ROBO2: variants seen among roughly 807,000 people sequenced by gnomAD.
The protein encoded by ROBO2 is roundabout homolog 2.
Under a neutral mutation model 160.8 loss-of-function variants are expected in ROBO2, and 53 were observed. The observed-to-expected ratio is 0.33, with a 90% CI of 0.26 to 0.41. The LOEUF (loss-of-function observed/expected upper bound fraction) is 0.41, where lower values mean the gene tolerates loss of function less well. Among genes scored for constraint, ROBO2 ranks in the 10% least tolerant of loss-of-function variants. ROBO2 has a pLI of 1.00. For missense variants in ROBO2, 1,577 were observed against 1,722.4 expected, an observed-to-expected ratio of 0.92 and a Z score of 1.49; for synonymous variants, 664 against 611.7, an observed-to-expected ratio of 1.09 and a Z score of -1.26.
chr3:77,410,777 TTCC>T (rs1273351238), intron 2 of ROBO2, among the ~76,000 whole-genome samples: 2 of 106,546 alleles, frequency 1.9e-5, no homozygotes, highest in East Asian at 3.6e-4. Context: ...CCTCTTCCTC[TTCC>T]TCCTCCTCCT....
intron 16 of ROBO2, among the ~76,000 whole-genome samples, chr3:77,583,644 G>T (rs1288031580): frequency 1.3e-5 from 2 of 151,774 alleles, no homozygotes; most frequent in Admixed American, 1.3e-4. Context: ...CATCCATCTT[G>T]TCTCATAGTC....
At chr3:76,021,741 C>G (rs2066580874) in intron 2 of ROBO2, among the ~76,000 whole-genome samples, 1 of 151,768 alleles carries the variant, frequency 6.6e-6, no homozygotes, top group Non-Finnish European at 1.5e-5. Flanking sequence ...TAACGATTAT[C>G]TATTCCTTCA....
chr3:76,229,743 G>A (rs1704506643), intron 2 of ROBO2, among the ~76,000 whole-genome samples: 1 of 151,988 alleles, frequency 6.6e-6, no homozygotes, highest in African/African-American at 2.4e-5. Context: ...ATTTAATAAA[G>A]CAGTAGAATA....
chr3:77,121,854 A>G (rs902412458), intron 2 of ROBO2, among the ~76,000 whole-genome samples: 1 of 152,132 alleles, frequency 6.6e-6, no homozygotes, highest in African/African-American at 2.4e-5. Flanking sequence ...AGCTTTAATT[A>G]TGTTCTGGAA....
chr3:76,912,176 T>C (rs780687463), intron 2 of ROBO2, among the ~76,000 whole-genome samples: 14 of 152,176 alleles, frequency 9.2e-5, no homozygotes, highest in Non-Finnish European at 1.9e-4. Context: ...ATTTGCTTTC[T>C]TCTCTGTAAC....
chr3:76,360,195 A>G (rs1384255897), intron 2 of ROBO2, among the ~76,000 whole-genome samples: 1 of 152,054 alleles, frequency 6.6e-6, no homozygotes, highest in African/African-American at 2.4e-5. Flanking sequence ...GTGACTATCT[A>G]AATCCATGTC....
At chr3:76,388,388 C>T (rs963871334) in intron 2 of ROBO2, among the ~76,000 whole-genome samples, 22 of 152,094 alleles carry the variant, frequency 1.4e-4, no homozygotes, top group African/African-American at 5.3e-4. Flanking sequence ...TCTCCTGCCT[C>T]AGCCTCCCGA....
intron 14 of ROBO2, among the ~76,000 whole-genome samples, chr3:77,576,878 A>G (rs1031389843): frequency 1.3e-5 from 2 of 152,194 alleles, no homozygotes; most frequent in African/African-American, 2.4e-5. Context: ...TGTGTTGATG[A>G]CATTTATAGT....
chr3:77,473,060 G>C (rs572293779), intron 2 of ROBO2, among the ~76,000 whole-genome samples: 1 of 151,958 alleles, frequency 6.6e-6, no homozygotes, highest in East Asian at 1.9e-4. Context: ...GAGGGGTTCC[G>C]AGCGTATCTC....
chr3:76,777,244 G>A (rs1452739444), intron 2 of ROBO2, among the ~76,000 whole-genome samples: 2 of 151,052 alleles, frequency 1.3e-5, no homozygotes, highest in Non-Finnish European at 3.0e-5. Context: ...CAAAAGACAT[G>A]GGTTGATTGC....
chr3:77,481,089 A>AT lies in ROBO2; in HGVS notation c.547-6dup, dbSNP rs1477562321. 6.2e-7 allele frequency: 1 copy of AT among 1,609,120 alleles called. No homozygotes were observed. Among genetic ancestry groups the AT allele is most frequent in the Non-Finnish European group, 8.5e-7 (1 of 1,176,796 alleles). On this transcript the variant is annotated splice_polypyrimidine_tract_variant and intron_variant, in intron 3 of 25. Coordinates refer to ENST00000461745, the Ensembl canonical transcript of ROBO2. ...TTCCCTTCTCTTTTCTTTTTGTTTG[A>AT]TTTTAACAGATCCGTGGTGGAAAAC...
At position 76,799,154 on chromosome 3, in the gene ROBO2, C is replaced by T. The variant is rs529295854; in HGVS notation, c.110-298860C>T. On this transcript the variant is annotated intron_variant, in intron 2 of 26. Transcript: ENST00000487694. The stretch of plus-strand genomic sequence containing the variant: ...ACTTGAACCCAGGAGACGGAGGCTG[C>T]GGTGAGCCGAGATGGCGCCACTGCA... 4.6e-5 allele frequency among the ~76,000 whole-genome samples: 7 copies of T among 151,662 alleles called. No homozygotes were observed. The East Asian group carries it at 9.8e-4, about 21-fold the overall frequency.
intron 2 of ROBO2, among the ~76,000 whole-genome samples, chr3:76,715,702 C>T (rs1422205303): frequency 1.3e-5 from 2 of 152,168 alleles, no homozygotes; most frequent in Non-Finnish European, 2.9e-5. Flanking sequence ...TAATTATTGG[C>T]ATTTGTGGGA....
chr3:76,727,835 T>C (rs2093577023), intron 2 of ROBO2, among the ~76,000 whole-genome samples: 1 of 152,120 alleles, frequency 6.6e-6, no homozygotes, highest in Non-Finnish European at 1.5e-5. Context: ...TCGTGTTCGA[T>C]GGCATGGTAG....
At position 76,354,120 on chromosome 3, in the gene ROBO2, A is replaced by G. The variant is rs182723956; in HGVS notation, c.109+416518A>G. Among the ~76,000 whole-genome samples, 864 of 152,084 alleles carry G rather than the reference A, an allele frequency of 5.7e-3. 6 individuals are homozygous for G. The highest frequency in any genetic ancestry group is 0.02 in the African/African-American group (818 of 41,534). On this transcript the variant is annotated intron_variant, in intron 2 of 26. Transcript: ENST00000487694. ...TACTCCCAATTCAAGGCATTCAAAA[A>G]TTCAGTAGCTTCATTTTACAAGATA...
At chr3:77,633,029 T>C in intron 23 of ROBO2, 1 of 160,898 alleles carries the variant, frequency 6.2e-6, no homozygotes, top group East Asian at 1.8e-4. Flanking sequence ...ACTCAGCTTT[T>C]ATCTCCATTA....
intron 2 of ROBO2, among the ~76,000 whole-genome samples, chr3:76,043,249 T>G (rs2067333720): frequency 6.6e-6 from 1 of 151,894 alleles, no homozygotes; most frequent in Non-Finnish European, 1.5e-5. Context: ...CCACTGTGCT[T>G]TTAGTCATCT....
At chr3:76,556,256 G>A (rs922710475) in intron 2 of ROBO2, among the ~76,000 whole-genome samples, 5 of 152,036 alleles carry the variant, frequency 3.3e-5, no homozygotes, top group African/African-American at 4.8e-5. Context: ...GAAGAAATCC[G>A]GTCTTCCATA....
chr3:76,770,721 T>TA (rs1229115286), intron 2 of ROBO2, among the ~76,000 whole-genome samples: 1 of 151,370 alleles, frequency 6.6e-6, no homozygotes, highest in East Asian at 2.0e-4. Flanking sequence ...ATTGTGTTTT[T>TA]AAAAATATAT....
Sources: gnomAD v4.1 joint callset for allele counts (sites outside exome capture counted in the v4.1 genomes callset) on GRCh38, gnomAD v4.1.1 for gene constraint, MANE v1.5 for transcripts, NCBI Gene and HGNC (gene_info 2026-07-23, HGNC 2026-07-21) for gene names.